SLC5A3: variants seen among roughly 807,000 people sequenced by gnomAD.
SLC5A3 encodes the protein sodium/myo-inositol cotransporter.
A neutral mutation model predicts 43.2 loss-of-function variants in SLC5A3; 10 were observed. That is an observed-to-expected ratio of 0.23 (90% CI 0.14 to 0.39). SLC5A3 has a LOEUF of 0.39. Ranked by LOEUF, SLC5A3 falls within the 10% of genes least tolerant of loss-of-function variation. The pLI is 1.00. For synonymous variants in SLC5A3, 349 were observed against 322.0 expected (o/e 1.08, Z -0.90); for missense variants, 608 against 893.4 (o/e 0.68, Z 4.07).
At chr21:34,087,271 T>A (rs1388008829) in intron 1 of SLC5A3, among the ~76,000 whole-genome samples, 1 of 258 alleles carries the variant, frequency 3.9e-3, no homozygotes, top group African/African-American at 0.014. Flanking sequence ...TTTTTCCCTT[T>A]AGCCTCTTTA....
At position 34,097,704 on chromosome 21, in the gene SLC5A3, A is replaced by T. The variant is rs115860747; in HGVS notation, c.*349A>T. The T allele has an allele frequency of 1.4e-3, 1,401 of 1,017,276 alleles. 10 individuals carry two copies. The African/African-American group carries it at 0.017, about 12-fold the overall frequency. 63.0% of individuals were successfully genotyped at this position (1,017,276 alleles called of 1,614,324 possible). The stretch of plus-strand genomic sequence containing the variant: ...ACTGTCTGCACTGCCAAGTCTTGGC[A>T]GACCTTACCCTGAAGTAGAAGATTT... On this transcript the variant is annotated 3_prime_UTR_variant, in exon 2 of 2. Transcript: ENST00000381151.
chr21:34,104,640 A>G lies in SLC5A3; in HGVS notation c.*7285A>G. The G allele has an allele frequency of 1.0e-6, 1 of 1,000,254 alleles. No homozygotes were observed. Among genetic ancestry groups the G allele is most frequent in the Non-Finnish European group, 1.2e-6 (1 of 829,976 alleles). 62.0% of individuals were successfully genotyped at this position (1,000,254 alleles called of 1,614,324 possible). A position where few individuals can be genotyped will look rare whatever the true frequency, so the allele number is the denominator to read the frequency against. On this transcript the variant is annotated 3_prime_UTR_variant, in exon 2 of 2. Coordinates refer to ENST00000381151, the MANE Select transcript of SLC5A3 (RefSeq NM_006933.7). ...GGAGAGATTATTCTTGCCAGCAAAA[A>G]GCTAGCCAGGAATGAGCCTACCACA...
chr21:34,091,355 TTTTA>T (rs1414654435), intron 1 of SLC5A3, among the ~76,000 whole-genome samples: 1 of 152,196 alleles, frequency 6.6e-6, no homozygotes, highest in Non-Finnish European at 1.5e-5. Flanking sequence ...GCAGGTGGTT[TTTTA>T]TTTTATTATT....
At position 34,099,046 on chromosome 21, in the gene SLC5A3, T is replaced by C; in HGVS notation, c.*1691T>C. 1.0e-6 allele frequency: 1 copy of C among 990,386 alleles called. No homozygotes were observed. The highest frequency in any genetic ancestry group is 1.2e-6 in the Non-Finnish European group (1 of 820,948). 61.3% of individuals were successfully genotyped at this position (990,386 alleles called of 1,614,324 possible). On this transcript the variant is annotated 3_prime_UTR_variant, in exon 2 of 2. Transcript: ENST00000381151. ...CTAGTTTCATTATGATGGACTTGAT[T>C]AGTCCAAAGTTAATTTTAGAAATTG...
Position 34,097,362 on chromosome 21 carries a change from G to A in SLC5A3, c.*7G>A, listed in dbSNP as rs1979013025. 3.2e-6 allele frequency: 5 copies of A among 1,583,556 alleles called. No homozygotes were observed. Among genetic ancestry groups the A allele is most frequent in the Non-Finnish European group, 4.3e-6 (5 of 1,166,150 alleles). On this transcript the variant is annotated 3_prime_UTR_variant, in exon 2 of 2. Coordinates refer to ENST00000381151, the MANE Select transcript of SLC5A3 (RefSeq NM_006933.7). ...TGTTTATTTCTCCTTATGAACTTAA[G>A]GATATGGTGAGACACTAACTTAAGA... is the stretch of plus-strand genomic sequence containing the variant.
At chr21:34,091,953 C>T (rs868323321) in intron 1 of SLC5A3, among the ~76,000 whole-genome samples, 4 of 151,804 alleles carry the variant, frequency 2.6e-5, no homozygotes, top group African/African-American at 7.3e-5. Flanking sequence ...GAGAGGTTTG[C>T]GTGAATGATG....
intron 1 of SLC5A3, among the ~76,000 whole-genome samples, chr21:34,083,492 T>C (rs893206536): frequency 1.3e-5 from 2 of 152,200 alleles, no homozygotes; most frequent in South Asian, 2.1e-4. Flanking sequence ...AGGCATGTTG[T>C]AGGAAAGGTG....
rs1602929181 is a variant in SLC5A3, at chr21:34,096,093, A to G, written c.895A>G (p.Thr299Ala). 1.2e-6 allele frequency: 2 copies of G among 1,613,810 alleles called. No homozygotes were observed. Among genetic ancestry groups the G allele is most frequent in the Non-Finnish European group, 1.7e-6 (2 of 1,179,956 alleles). The change falls in exon 2 of 2, where the codon ACT becomes GCT. Residue 299 changes from threonine to alanine, a missense_variant. Physicochemically the swap from Thr to Ala is moderately conservative, Grantham distance 58 (BLOSUM62 0). Coordinates refer to ENST00000381151, the MANE Select transcript of SLC5A3 (RefSeq NM_006933.7). The surrounding 1 kb of genome is among the most constrained non-coding windows in gnomAD (Gnocchi z 5.9). ...AKNIAHAKGS[T>A]LMAGFLKLLP... ...AAACATTGCTCATGCCAAAGGCTCT[A>G]CTCTTATGGCTGGCTTCTTAAAGCT...
intron 1 of SLC5A3, among the ~76,000 whole-genome samples, chr21:34,079,545 C>T (rs189375025): frequency 1.3e-5 from 2 of 150,326 alleles, no homozygotes; most frequent in East Asian, 3.9e-4. Flanking sequence ...AAGCGATTCT[C>T]ATGTCTCAGC....
At chr21:34,083,538 G>A (rs1222946555) in intron 1 of SLC5A3, among the ~76,000 whole-genome samples, 1 of 152,208 alleles carries the variant, frequency 6.6e-6, no homozygotes, top group Admixed American at 6.5e-5. Flanking sequence ...TTTTTTAACT[G>A]CTTGACACTG....
At position 34,100,465 on chromosome 21, in the gene SLC5A3, A is replaced by G. The variant is rs1303604710; in HGVS notation, c.*3110A>G. On this transcript the variant is annotated 3_prime_UTR_variant, in exon 2 of 2. Transcript: ENST00000381151. ...CTTTAGATTAGAGAAGCATCAAGCA[A>G]TAGCAATGGTGCTGTGTCCTTCGGC... The G allele has an allele frequency of 6.0e-6, 6 of 1,000,092 alleles. No homozygotes were observed. The highest frequency in any genetic ancestry group is 4.7e-5 in the South Asian group (1 of 21,292). The allele number at this position is 1,000,092 out of a possible 1,614,324, so 62.0% of individuals were successfully genotyped here.
In SLC5A3 at chr21:34,103,362, G is replaced by T. The variant is rs1383804747; in HGVS notation, c.*6007G>T. On this transcript the variant is annotated 3_prime_UTR_variant, in exon 2 of 2. Transcript: ENST00000381151. ...ATTACATTGACATACTTTATGTGCAGCCTTTATTTAGGTTCAGTGAAACCA... is the reference window on the plus strand; with the variant it reads ...ATTACATTGACATACTTTATGTGCATCCTTTATTTAGGTTCAGTGAAACCA... 3.0e-6 allele frequency: 3 copies of T among 995,338 alleles called. No individual in the cohort carries two copies. In the African/African-American group the frequency reaches 5.3e-5, roughly 18 times the overall value. 61.7% of individuals were successfully genotyped at this position (995,338 alleles called of 1,614,324 possible).
Position 34,100,370 on chromosome 21 carries a change from C to T in SLC5A3, c.*3015C>T. On this transcript the variant is annotated 3_prime_UTR_variant, in exon 2 of 2. Coordinates refer to ENST00000381151, the MANE Select transcript of SLC5A3 (RefSeq NM_006933.7). ...TTCAGAATATTCTGTTCTGCCACCC[C>T]CAGAGAGTAAACACTTGAGCCGATT... 29 of 1,000,186 alleles carry T rather than the reference C, an allele frequency of 2.9e-5. No individual in the cohort carries two copies. Among genetic ancestry groups the T allele is most frequent in the Non-Finnish European group, 3.5e-5 (29 of 829,972 alleles). The allele number at this position is 1,000,186 out of a possible 1,614,324, so 62.0% of individuals were successfully genotyped here.
chr21:34,104,281 C>G lies in SLC5A3; in HGVS notation c.*6926C>G. The G allele has an allele frequency of 1.0e-6, 1 of 1,000,116 alleles. No homozygotes were observed. 62.0% of individuals were successfully genotyped at this position (1,000,116 alleles called of 1,614,324 possible). ...GATTCTTTCACTTGTCCCATTAACC[C>G]TCTTCTAGTCTAGATGAGATGAAAT... On this transcript the variant is annotated 3_prime_UTR_variant, in exon 2 of 2. Coordinates refer to ENST00000381151, the MANE Select transcript of SLC5A3 (RefSeq NM_006933.7).
chr21:34,084,761 A>G (rs564427814), intron 1 of SLC5A3, among the ~76,000 whole-genome samples: 86 of 152,260 alleles, frequency 5.6e-4, no homozygotes, highest in African/African-American at 2.0e-3. Flanking sequence ...TCAACTGTTA[A>G]TTTCCAGTCT....
intron 1 of SLC5A3, among the ~76,000 whole-genome samples, chr21:34,088,768 CATA>C: frequency 6.6e-6 from 1 of 152,126 alleles, no homozygotes; most frequent in Middle Eastern, 3.4e-3. Flanking sequence ...GTAAAATGGT[CATA>C]ATAATTGTAC....
At position 34,099,866 on chromosome 21, in the gene SLC5A3, T is replaced by C. The variant is rs1032941051; in HGVS notation, c.*2511T>C. ...AAGTCCCTGAAGCTTGTCTTTCTTA[T>C]TGCTTCCCAGTAATAGATAATGTGC... On this transcript the variant is annotated 3_prime_UTR_variant, in exon 2 of 2. Coordinates refer to ENST00000381151, the MANE Select transcript of SLC5A3 (RefSeq NM_006933.7). The C allele has an allele frequency of 2.3e-6, 1 of 427,498 alleles. No homozygotes were observed. The highest frequency in any genetic ancestry group is 3.3e-6 in the Non-Finnish European group (1 of 306,860). The allele number at this position is 427,498 out of a possible 1,614,324, so 26.5% of individuals were successfully genotyped here. A position where few individuals can be genotyped will look rare whatever the true frequency, so the allele number is the denominator to read the frequency against.
intron 1 of SLC5A3, among the ~76,000 whole-genome samples, chr21:34,086,553 TC>T (rs1481164050): frequency 6.6e-6 from 1 of 150,908 alleles, no homozygotes; most frequent in African/African-American, 2.5e-5. Flanking sequence ...GTGTGTATCT[TC>T]CTGAAAGGTG....
rs544391592 is a variant in SLC5A3 at position 34,104,772 on chromosome 21, A to G, written c.*7417A>G. The G allele has an allele frequency of 1.0e-6, 1 of 999,560 alleles. No homozygotes were observed. Among genetic ancestry groups the G allele is most frequent in the East Asian group, 1.1e-4 (1 of 8,828 alleles). 61.9% of individuals were successfully genotyped at this position (999,560 alleles called of 1,614,324 possible). The stretch of plus-strand genomic sequence containing the variant: ...AACACCCTTGGCTTAGCAACATGTG[A>G]TAATGCAAAGCTGTTATAACCTGTT... On this transcript the variant is annotated 3_prime_UTR_variant, in exon 2 of 2. Transcript: ENST00000381151.
Sources: gnomAD v4.1 joint callset for allele counts (sites outside exome capture counted in the v4.1 genomes callset) on GRCh38, gnomAD v4.1.1 for gene constraint, Gnocchi (gnomAD v3.1) non-coding constraint, MANE v1.5 for transcripts, NCBI Gene and HGNC (gene_info 2026-07-23, HGNC 2026-07-21) for gene names.